The following LYZL2 variants were observed in gnomAD, a reference collection of about 807,000 sequenced individuals.
LYZL2 encodes lysozyme-like protein 2.
In LYZL2, 13 loss-of-function variants were observed where a neutral mutation model predicts 17.1. The ratio of observed to expected loss-of-function variants is 0.76; its 90% CI spans 0.49 to 1.21. The LOEUF (loss-of-function observed/expected upper bound fraction) is 1.21. Ranked by LOEUF, LYZL2 falls within the 50% of genes most tolerant of loss-of-function variation. LYZL2 has a pLI of 0.00. For missense variants in LYZL2, 166 were observed against 189.2 expected (o/e 0.88, Z 0.72); for synonymous variants, 63 against 74.4 (o/e 0.85, Z 0.79).
At chr10:30,625,664 A>G (rs530242488) in intron 3 of LYZL2, among the ~76,000 whole-genome samples, 6 of 152,222 alleles carry the variant, frequency 3.9e-5, no homozygotes, top group Non-Finnish European at 8.8e-5. Flanking sequence ...AGCCTGGGCA[A>G]CAGAGTGAGA....
downstream of LYZL2, among the ~76,000 whole-genome samples, chr10:30,607,789 C>T (rs1838393175): frequency 6.6e-6 from 1 of 152,118 alleles, no homozygotes; most frequent in African/African-American, 2.4e-5. Flanking sequence ...GAATTTCCAC[C>T]CTTAGACATC....
chr10:30,611,447 T>G (rs1243597733), downstream of LYZL2, among the ~76,000 whole-genome samples: 1 of 136,642 alleles, frequency 7.3e-6, no homozygotes, highest in Non-Finnish European at 1.5e-5. Context: ...TGCAGTGGGC[T>G]GAAATCGTAC....
intron 3 of LYZL2, 99 bp downstream of exon 3, chr10:30,626,006 A>G: frequency 2.0e-6 from 3 of 1,526,032 alleles, no homozygotes; most frequent in Non-Finnish European, 2.6e-6. Context: ...GCAAGTCTGA[A>G]CTCCAAATTT....
Position 30,617,570 on chromosome 10 carries a change from G to C in LYZL2, c.299-4670C>G, listed in dbSNP as rs530025037. Among the ~76,000 whole-genome samples the C allele has an allele frequency of 3.5e-4, 53 of 150,484 alleles. 1 individual carries two copies. In the East Asian group the frequency reaches 4.2e-3, roughly 12 times the overall value. Reference sequence around the variant, plus strand: ...CACGCCTGTAATCCCAGCTACTCCAGAGGCTGAGGCAGGAGAATTGCTTGA... The same window carrying C: ...CACGCCTGTAATCCCAGCTACTCCACAGGCTGAGGCAGGAGAATTGCTTGA... On this transcript the variant is annotated intron_variant, in intron 3 of 4. Coordinates refer to ENST00000647634, the MANE Select transcript of LYZL2 (RefSeq NM_183058.3).
rs775872336 is a variant in LYZL2 at position 30,626,201 on chromosome 10, C to G, written c.202G>C (p.Gly68Arg). ...NTTAQTVLDD[G>R]SIDYGIFQIN... ...TGGAAGATGCCGTAGTCGATGCTGC[C>G]GTCATCCAGGACCGTCTGGGCTGTG... Residue 68 changes from glycine (G) to arginine (R), a missense_variant, in exon 3 of 5, where the codon GGC (glycine) becomes CGC (arginine). Coordinates refer to ENST00000647634, the MANE Select transcript of LYZL2 (RefSeq NM_183058.3). The G allele has an allele frequency of 1.4e-5, 22 of 1,614,118 alleles. No individual in the cohort carries two copies. The highest frequency in any genetic ancestry group is 1.3e-4 in the Admixed American group (8 of 60,008).
At chr10:30,613,374 G>C (rs1211783135) in intron 3 of LYZL2, among the ~76,000 whole-genome samples, 1 of 152,052 alleles carries the variant, frequency 6.6e-6, no homozygotes. Context: ...GCACACACCT[G>C]TGGTCTCAGC....
intron 3 of LYZL2, among the ~76,000 whole-genome samples, chr10:30,622,202 C>T (rs1047580873): frequency 2.0e-5 from 3 of 151,996 alleles, no homozygotes; most frequent in African/African-American, 7.3e-5. Context: ...AAAAATGGAA[C>T]CAAGAATAGA....
chr10:30,620,331 G>T (rs1340626355), intron 3 of LYZL2, among the ~76,000 whole-genome samples: 1 of 152,200 alleles, frequency 6.6e-6, no homozygotes, highest in South Asian at 2.1e-4. Flanking sequence ...CCGCTTATGA[G>T]TAACCATGGA....
At chr10:30,628,412 C>T (rs1035699966) in intron 1 of LYZL2, among the ~76,000 whole-genome samples, 1 of 152,158 alleles carries the variant, frequency 6.6e-6, no homozygotes, top group Non-Finnish European at 1.5e-5. Flanking sequence ...AGGAGGAAAG[C>T]ACCTGGGGGA....
Position 30,626,846 on chromosome 10 carries a change from G to C in LYZL2, c.70C>G (p.Arg24Gly), listed in dbSNP as rs200693663. 1.7e-5 allele frequency: 28 copies of C among 1,614,104 alleles called. No individual in the cohort carries two copies. The highest frequency in any genetic ancestry group is 1.7e-6 in the Non-Finnish European group (2 of 1,180,044). The change falls in exon 2 of 5, where the codon CGT becomes GGT. Residue 24 changes from arginine (R) to glycine (G), a missense_variant. Physicochemically the swap from Arg to Gly is moderately radical, Grantham distance 125. Around this residue, in one of 2 missense-constraint regions of LYZL2, gnomAD observed 32 missense variants for 59.8 expected, o/e 0.53. Transcript: ENST00000647634. ...VTGAESKIYT[R>G]CKLAKIFSRA... ...GAGAATATTTTTGCCAGTTTGCAAC[G>C]AGTGTAGATTTTGGACTCGGCGCCT...
downstream of LYZL2, among the ~76,000 whole-genome samples, chr10:30,610,120 G>A (rs995555131): frequency 4.5e-4 from 17 of 37,538 alleles, no homozygotes; most frequent in African/African-American, 3.8e-4. Flanking sequence ...TAGCTGATGA[G>A]CTAAAAAAAA....
rs550303257 is a variant in LYZL2 at position 30,626,012 on chromosome 10, A to G, written c.298+93T>C. 6 of 1,533,858 alleles carry G rather than the reference A, an allele frequency of 3.9e-6. No homozygotes were observed. In the African/African-American group the frequency reaches 8.3e-5, roughly 21 times the overall value. On this transcript the variant is annotated intron_variant, in intron 3 of 4. Transcript: ENST00000647634. Reference sequence around the variant, plus strand: ...GACCTATTTGCAAGTCTGAACTCCAAATTTTAGTTAAAGCAAGACATGGTT... The same window carrying G: ...GACCTATTTGCAAGTCTGAACTCCAGATTTTAGTTAAAGCAAGACATGGTT...
chr10:30,618,780 T>A (rs1029144393), intron 3 of LYZL2, among the ~76,000 whole-genome samples: 1 of 152,122 alleles, frequency 6.6e-6, no homozygotes, highest in African/African-American at 2.4e-5. Flanking sequence ...GGACTTCATG[T>A]CTAAAACACA....
At chr10:30,629,572 T>A (rs1456104097) in intron 1 of LYZL2, 21 bp downstream of exon 1, 1 of 1,612,558 alleles carries the variant, frequency 6.2e-7, no homozygotes, top group African/African-American at 1.3e-5. Context: ...GGTGGCTTCA[T>A]AAGAGTAATT....
intron 3 of LYZL2, among the ~76,000 whole-genome samples, chr10:30,623,325 C>G (rs1838654293): frequency 6.6e-6 from 1 of 152,096 alleles, no homozygotes; most frequent in East Asian, 1.9e-4. Flanking sequence ...TGCACATTCA[C>G]CGTAAGACAC....
intron 1 of LYZL2, among the ~76,000 whole-genome samples, chr10:30,629,059 A>G (rs1428766280): frequency 2.0e-5 from 3 of 152,196 alleles, no homozygotes; most frequent in Admixed American, 6.5e-5. Flanking sequence ...GGTGTACAGC[A>G]TTGTGCTAAG....
At chr10:30,615,138 A>C (rs77674275) in intron 3 of LYZL2, among the ~76,000 whole-genome samples, 17,238 of 152,274 alleles carry the variant, frequency 0.11, 1,040 homozygotes, top group South Asian at 0.18. Context: ...TTAAATTAAA[A>C]TTATATTTGT....
At chr10:30,623,524 G>C (rs982758574) in intron 3 of LYZL2, among the ~76,000 whole-genome samples, 2 of 152,006 alleles carry the variant, frequency 1.3e-5, no homozygotes, top group Non-Finnish European at 2.9e-5. Flanking sequence ...ATTACTGCCT[G>C]GACTCCACCT....
rs561461610 is a variant in LYZL2, at chr10:30,629,398, A to C, written c.-26+195T>G. 1.5e-4 allele frequency among the ~76,000 whole-genome samples: 23 copies of C among 152,202 alleles called. No individual in the cohort carries two copies. The South Asian group carries it at 4.4e-3, about 29-fold the overall frequency. ...AACAGAGTGACATCCTGTTTCAAAA[A>C]AAAAAAAAAAGATGCAGAGCTTACA... On this transcript the variant is annotated intron_variant, in intron 1 of 4. Transcript: ENST00000647634.
Sources: allele counts gnomAD v4.1 joint callset (sites outside exome capture counted in the v4.1 genomes callset), GRCh38; gene constraint gnomAD v4.1.1; regional missense constraint gnomAD v4.1.1; transcripts MANE v1.5; gene names NCBI Gene and HGNC (gene_info 2026-07-23, HGNC 2026-07-21).